Variants in PTPRN2 observed in about 807,000 individuals in gnomAD.
PTPRN2 encodes the protein receptor-type tyrosine-protein phosphatase N2.
PTPRN2 carries 74 observed loss-of-function variants against 118.8 expected under a neutral mutation model. The observed-to-expected ratio is 0.62, with a 90% CI of 0.52 to 0.76. The LOEUF is 0.76. PTPRN2 is among the 30% of genes least tolerant of loss of function. The pLI is 0.00. For synonymous variants in PTPRN2, 641 were observed against 608.0 expected (o/e 1.05, Z -0.80); for missense variants, 1,481 against 1,394.4 (o/e 1.06, Z -0.99).
intron 10 of PTPRN2, among the ~76,000 whole-genome samples, chr7:158,095,570 G>A: frequency 6.6e-6 from 1 of 152,100 alleles, no homozygotes; most frequent in East Asian, 1.9e-4. Flanking sequence ...GAAAAACAGA[G>A]TCAAACCCAT....
chr7:158,541,172 G>A (rs931222553), intron 1 of PTPRN2, among the ~76,000 whole-genome samples: 1 of 152,110 alleles, frequency 6.6e-6, no homozygotes. Flanking sequence ...CTCATAAATC[G>A]GTGCTTCTCA....
chr7:157,549,065 C>A lies in PTPRN2; in HGVS notation c.2903-46G>T, dbSNP rs781107588. ...GGCTGAGTTCAGAGCACAAGATAAT[C>A]CATGCCACATCTGTCAATCTCCTGC... On this transcript the variant is annotated intron_variant, in intron 21 of 22. Coordinates refer to ENST00000389418, the MANE Select transcript of PTPRN2 (RefSeq NM_002847.5). 5 of 1,561,060 alleles carry A rather than the reference C, an allele frequency of 3.2e-6. No individual in the cohort carries two copies. The East Asian group carries it at 1.1e-4, about 35-fold the overall frequency.
At chr7:157,843,453 C>A (rs77613387) in intron 12 of PTPRN2, among the ~76,000 whole-genome samples, 55 of 152,188 alleles carry the variant, frequency 3.6e-4, no homozygotes, top group African/African-American at 1.2e-3. Context: ...CCTGGCTGTG[C>A]GTTCTCTGCC....
At chr7:158,440,790 G>GTTA (rs1816956287) in intron 2 of PTPRN2, among the ~76,000 whole-genome samples, 1 of 138,786 alleles carries the variant, frequency 7.2e-6, no homozygotes. Flanking sequence ...TGATGGTGAT[G>GTTA]GGGGTGGTAG....
chr7:158,181,328 G>A (rs1301795848), intron 5 of PTPRN2, among the ~76,000 whole-genome samples: 1 of 152,064 alleles, frequency 6.6e-6, no homozygotes, highest in Non-Finnish European at 1.5e-5. Context: ...TGTGCTGTTG[G>A]GTTCAGTCAG....
At chr7:158,253,042 C>T (rs1260711558) in intron 3 of PTPRN2, among the ~76,000 whole-genome samples, 2 of 152,228 alleles carry the variant, frequency 1.3e-5, no homozygotes, top group African/African-American at 2.4e-5. Context: ...TTTCCCCGGA[C>T]CAGACCTCGT....
chr7:158,175,494 G>A (rs1049148357), intron 5 of PTPRN2, among the ~76,000 whole-genome samples: 6 of 152,242 alleles, frequency 3.9e-5, no homozygotes, highest in African/African-American at 1.4e-4. Context: ...CTCTGTCTCT[G>A]TCTTAACACA....
intron 11 of PTPRN2, among the ~76,000 whole-genome samples, chr7:157,936,348 G>A (rs150752691): frequency 1.1e-3 from 161 of 152,254 alleles, no homozygotes; most frequent in Admixed American, 2.7e-3. Flanking sequence ...ACGTTCACAC[G>A]ACATCCCAAA....
intron 3 of PTPRN2, among the ~76,000 whole-genome samples, chr7:158,252,787 A>G (rs924781276): frequency 6.6e-6 from 1 of 152,208 alleles, no homozygotes; most frequent in Admixed American, 6.5e-5. Context: ...GCAAAGCCAG[A>G]GAACGAACCT....
At chr7:157,685,188 A>T (rs940380138) in intron 12 of PTPRN2, among the ~76,000 whole-genome samples, 3 of 150,434 alleles carry the variant, frequency 2.0e-5, no homozygotes, top group African/African-American at 7.3e-5. Flanking sequence ...CCGCCCTCCC[A>T]CCCCTCATCC....
rs1156575445 is a variant in PTPRN2 at position 157,603,722 on chromosome 7, C to T, written c.2418+280G>A. On this transcript the variant is annotated intron_variant, in intron 16 of 22. Coordinates refer to ENST00000389418, the MANE Select transcript of PTPRN2 (RefSeq NM_002847.5). This position sits in a 1 kb window ranked among gnomAD's most constrained non-coding sequence, Gnocchi z 5.4. ...TACGAACCTCTCCTAAAAGCCATGT[C>T]TTCTAGTCAGGAAACTGTCCAGTCA... Among the ~76,000 whole-genome samples, 11 of 152,184 alleles carry T rather than the reference C, an allele frequency of 7.2e-5. No homozygotes were observed. The highest frequency in any genetic ancestry group is 1.5e-5 in the Non-Finnish European group (1 of 68,030).
At chr7:157,545,211 T>C (rs1798240604) in intron 22 of PTPRN2, among the ~76,000 whole-genome samples, 1 of 143,034 alleles carries the variant, frequency 7.0e-6, no homozygotes, top group African/African-American at 2.7e-5. Context: ...GTGTGCAATG[T>C]GTGGGTGTGC....
chr7:157,620,083 C>T (rs1447078033), intron 15 of PTPRN2, among the ~76,000 whole-genome samples: 1 of 152,210 alleles, frequency 6.6e-6, no homozygotes, highest in Non-Finnish European at 1.5e-5. Flanking sequence ...AGGAGAGTAA[C>T]TAAGAAACTC....
chr7:157,773,725 A>G (rs999407), intron 12 of PTPRN2, among the ~76,000 whole-genome samples: 49,523 of 152,060 alleles, frequency 0.33, 10,061 homozygotes, highest in African/African-American at 0.58. Context: ...TTCTCTGCCC[A>G]TTGGTGTCTT....
At chr7:157,992,553 TAAATAA>T (rs1468410005) in intron 11 of PTPRN2, among the ~76,000 whole-genome samples, 1 of 152,210 alleles carries the variant, frequency 6.6e-6, no homozygotes, top group African/African-American at 2.4e-5. Flanking sequence ...TACACAGAAC[TAAATAA>T]AAATAAAACA....
chr7:158,417,095 TAA>T (rs2129419561), intron 2 of PTPRN2, among the ~76,000 whole-genome samples: 2 of 152,026 alleles, frequency 1.3e-5, no homozygotes, highest in African/African-American at 4.8e-5. Context: ...CCCACTGTGT[TAA>T]GTTGTGGTGT....
chr7:158,259,266 C>T (rs191590740), intron 3 of PTPRN2, among the ~76,000 whole-genome samples: 23 of 152,322 alleles, frequency 1.5e-4, no homozygotes, highest in Admixed American at 1.4e-3. Context: ...CAGGCACAGG[C>T]CACAGAGAAG....
rs574508090 is a variant in PTPRN2, at chr7:157,573,868, C to T, written c.2784-2375G>A. On this transcript the variant is annotated intron_variant, in intron 19 of 22. Coordinates refer to ENST00000389418, the MANE Select transcript of PTPRN2 (RefSeq NM_002847.5). Reference sequence around the variant, plus strand: ...TAATTTTCATATCCGTACCAGCCCCCACCTTGTGCTCAACCTATTTACAAA... The same window carrying T: ...TAATTTTCATATCCGTACCAGCCCCTACCTTGTGCTCAACCTATTTACAAA... Among the ~76,000 whole-genome samples, 6 of 152,352 alleles carry T rather than the reference C, an allele frequency of 3.9e-5. No homozygotes were observed. In the South Asian group the frequency reaches 1.0e-3, roughly 26 times the overall value.
chr7:158,422,891 T>C (rs952355486), intron 2 of PTPRN2, among the ~76,000 whole-genome samples: 7 of 152,236 alleles, frequency 4.6e-5, no homozygotes, highest in Non-Finnish European at 1.0e-4. Flanking sequence ...GGTGTGTAAT[T>C]TGCATGGTCA....
Sources: allele counts gnomAD v4.1 joint callset (sites outside exome capture counted in the v4.1 genomes callset), GRCh38; gene constraint gnomAD v4.1.1; non-coding constraint Gnocchi (gnomAD v3.1); transcripts MANE v1.5; gene names NCBI Gene and HGNC (gene_info 2026-07-23, HGNC 2026-07-21).